The following ATP8A2 variants were observed in gnomAD, a reference collection of about 807,000 sequenced individuals.
The protein encoded by ATP8A2 is phospholipid-transporting ATPase IB.
Under a neutral mutation model 165.6 loss-of-function variants are expected in ATP8A2, and 100 were observed. The ratio of observed to expected loss-of-function variants is 0.60; its 90% CI spans 0.51 to 0.71. The LOEUF (loss-of-function observed/expected upper bound fraction) is 0.71, where lower values mean the gene tolerates loss of function less well. Among genes scored for constraint, ATP8A2 ranks in the 30% least tolerant of loss-of-function variants. ATP8A2 has a pLI of 0.00. For missense variants in ATP8A2, 1,227 were observed against 1,479.5 expected (o/e 0.83, Z 2.80); for synonymous variants, 543 against 548.8 (o/e 0.99, Z 0.15).
At chr13:25,450,606 A>G (rs367749967) in intron 1 of ATP8A2, among the ~76,000 whole-genome samples, 2 of 151,762 alleles carry the variant, frequency 1.3e-5, no homozygotes, top group African/African-American at 2.4e-5. Context: ...ATCTCGGCTC[A>G]CTGCAAGCTC....
chr13:25,639,007 ACCTT>A lies in ATP8A2; in HGVS notation c.2211+49310_2211+49313del, dbSNP rs1358652240. Among the ~76,000 whole-genome samples, 55 of 152,164 alleles carry A rather than the reference ACCTT, an allele frequency of 3.6e-4. 1 individual carries two copies. The highest frequency in any genetic ancestry group is 8.1e-4 in the Non-Finnish European group (55 of 68,042). ...CAGAATTTCATATCCAGCCAAACCA[ACCTT>A]CATAAGTGAAGGAGAAATAAAATCC... On this transcript the variant is annotated intron_variant, in intron 24 of 36. Coordinates refer to ENST00000381655, the MANE Select transcript of ATP8A2 (RefSeq NM_016529.6).
chr13:25,468,666 A>T, intron 1 of ATP8A2: 1 of 278,606 alleles, frequency 3.6e-6, no homozygotes, highest in Non-Finnish European at 5.4e-6. Flanking sequence ...TTGGGCGTCC[A>T]GCCCGGCCCG....
At chr13:25,451,630 T>C (rs1593325568) in intron 1 of ATP8A2, among the ~76,000 whole-genome samples, 1 of 152,204 alleles carries the variant, frequency 6.6e-6, no homozygotes, top group South Asian at 2.1e-4. Context: ...ATTTTTTTTG[T>C]CTTTTAAGTT....
chr13:25,644,858 C>A (rs1195215290), intron 24 of ATP8A2, among the ~76,000 whole-genome samples: 2 of 152,010 alleles, frequency 1.3e-5, no homozygotes, highest in Admixed American at 6.6e-5. Flanking sequence ...TCATAATGTT[C>A]TCTTATGGTC....
chr13:25,408,558 C>T (rs1007154107), intron 1 of ATP8A2, among the ~76,000 whole-genome samples: 1 of 152,138 alleles, frequency 6.6e-6, no homozygotes, highest in African/African-American at 2.4e-5. Context: ...TGTCTTCTGT[C>T]AGTGGATGTT....
intron 24 of ATP8A2, among the ~76,000 whole-genome samples, chr13:25,654,568 A>G (rs2041885517): frequency 6.6e-6 from 1 of 152,174 alleles, no homozygotes; most frequent in Non-Finnish European, 1.5e-5. Flanking sequence ...TCACTAGGCC[A>G]TCCTTTGGCT....
At chr13:25,632,706 T>A (rs1385216233) in intron 24 of ATP8A2, among the ~76,000 whole-genome samples, 1 of 152,154 alleles carries the variant, frequency 6.6e-6, no homozygotes, top group Non-Finnish European at 1.5e-5. Flanking sequence ...AAAGACAGAA[T>A]CCTGAGCTGC....
rs540827576 is a variant in ATP8A2 at position 25,883,235 on chromosome 13, C to T, written c.3183+20827C>T. Among the ~76,000 whole-genome samples, 6 of 152,138 alleles carry T rather than the reference C, an allele frequency of 3.9e-5. No homozygotes were observed. In the South Asian group the frequency reaches 1.3e-3, roughly 32 times the overall value. On this transcript the variant is annotated intron_variant, in intron 33 of 36. Transcript: ENST00000381655. Reference sequence around the variant, plus strand: ...GTGTGGCATGCTTTCTCTGCACTCTCAGAGCTCGCTGCATACTCTTATGAA... The same window carrying T: ...GTGTGGCATGCTTTCTCTGCACTCTTAGAGCTCGCTGCATACTCTTATGAA...
rs146174442 is a variant in ATP8A2, at chr13:25,558,541, T to C, written c.1264-432T>C. On this transcript the variant is annotated intron_variant, in intron 13 of 36. Transcript: ENST00000381655. Reference sequence around the variant, plus strand: ...ACACTGCTTCCCTAGACCAGTTCTCTGGGATCTCTGGAAGGTATCTAGCAC... The same window carrying C: ...ACACTGCTTCCCTAGACCAGTTCTCCGGGATCTCTGGAAGGTATCTAGCAC... Among the ~76,000 whole-genome samples the C allele has an allele frequency of 2.2e-3, 328 of 152,334 alleles. 2 individuals are homozygous for C. Among genetic ancestry groups the C allele is most frequent in the African/African-American group, 7.4e-3 (309 of 41,568 alleles).
intron 33 of ATP8A2, among the ~76,000 whole-genome samples, chr13:25,942,183 AT>A (rs1479984168): frequency 2.0e-5 from 3 of 152,082 alleles, no homozygotes; most frequent in East Asian, 1.9e-4. Context: ...AATTTGCCAA[AT>A]TTTTTTTATT....
chr13:25,590,959 T>G (rs1420373356), intron 24 of ATP8A2, among the ~76,000 whole-genome samples: 1 of 152,052 alleles, frequency 6.6e-6, no homozygotes, highest in African/African-American at 2.4e-5. Flanking sequence ...ACACCTCCTA[T>G]CCTTGTTCAT....
At chr13:25,978,817 G>A (rs1322559245) in intron 35 of ATP8A2, among the ~76,000 whole-genome samples, 1 of 152,122 alleles carries the variant, frequency 6.6e-6, no homozygotes. Context: ...GCGGGCGCCT[G>A]TAGTCCCAGC....
chr13:25,828,859 G>T (rs867534148), intron 28 of ATP8A2, among the ~76,000 whole-genome samples: 34 of 152,138 alleles, frequency 2.2e-4, no homozygotes, highest in African/African-American at 7.5e-4. Context: ...TTCACTGGCA[G>T]GAAGAACTAA....
intron 22 of ATP8A2, among the ~76,000 whole-genome samples, chr13:25,581,530 G>A (rs2039777391): frequency 2.0e-5 from 3 of 152,052 alleles, no homozygotes; most frequent in Admixed American, 1.3e-4. Context: ...CAGTGTCCTC[G>A]GGATAACCTG....
At chr13:25,535,143 G>T (rs1290403352) in intron 6 of ATP8A2, among the ~76,000 whole-genome samples, 1 of 152,130 alleles carries the variant, frequency 6.6e-6, no homozygotes, top group African/African-American at 2.4e-5. Context: ...GTGAATCAGG[G>T]GTAACTAGCT....
At chr13:25,530,472 G>A (rs1185578158) in intron 3 of ATP8A2, 90 bp from the exon 4 acceptor site, 5 of 743,194 alleles carry the variant, frequency 6.7e-6, no homozygotes, top group Non-Finnish European at 1.2e-5. Flanking sequence ...AACTGCAAAA[G>A]TGTGAAACGT....
In ATP8A2 at chr13:25,834,386, C is replaced by G. The variant is rs1325555253; in HGVS notation, c.2755-2777C>G. 2.0e-5 allele frequency among the ~76,000 whole-genome samples: 3 copies of G among 152,152 alleles called. No homozygotes were observed. In the East Asian group the frequency reaches 5.8e-4, roughly 29 times the overall value. On this transcript the variant is annotated intron_variant, in intron 28 of 36. Transcript: ENST00000381655. Reference sequence around the variant, plus strand: ...ATTAAAAATGCATGTATCCTTTTAACTCTCCTGCTGGGCCTTCTTCCCATA... The same window carrying G: ...ATTAAAAATGCATGTATCCTTTTAAGTCTCCTGCTGGGCCTTCTTCCCATA...
intron 24 of ATP8A2, among the ~76,000 whole-genome samples, chr13:25,685,737 T>G (rs2042587334): frequency 6.6e-6 from 1 of 152,136 alleles, no homozygotes; most frequent in Non-Finnish European, 1.5e-5. Flanking sequence ...AGAGGGGTGC[T>G]GGGCCTCGCT....
chr13:25,482,803 C>T (rs1170061274), intron 2 of ATP8A2, among the ~76,000 whole-genome samples: 1 of 152,192 alleles, frequency 6.6e-6, no homozygotes, highest in African/African-American at 2.4e-5. Flanking sequence ...TCTCTCTTTG[C>T]CTGCTGCCGT....
Sources: gnomAD v4.1 joint callset for allele counts (sites outside exome capture counted in the v4.1 genomes callset) on GRCh38, gnomAD v4.1.1 for gene constraint, MANE v1.5 for transcripts, NCBI Gene and HGNC (gene_info 2026-07-23, HGNC 2026-07-21) for gene names.